LHX2: variants seen among roughly 807,000 people sequenced by gnomAD.
LHX2 encodes LIM/homeobox protein Lhx2.
Under a neutral mutation model 33.0 loss-of-function variants are expected in LHX2, and 6 were observed. The observed-to-expected ratio is 0.18, with a 90% CI of 0.10 to 0.36. The LOEUF (loss-of-function observed/expected upper bound fraction) is 0.36. LHX2 is among the 10% of genes least tolerant of loss of function. The pLI is 1.00. For missense variants in LHX2, 442 were observed against 586.2 expected (o/e 0.75, Z 2.54); for synonymous variants, 292 against 253.1 (o/e 1.15, Z -1.46).
In LHX2 at chr9:124,012,636, G is replaced by A. The variant is rs1290804211; in HGVS notation, c.120+168G>A. On this transcript the variant is annotated intron_variant, in intron 1 of 4. Coordinates refer to ENST00000373615, the MANE Select transcript of LHX2 (RefSeq NM_004789.4). This position sits in a 1 kb window ranked among gnomAD's most constrained non-coding sequence, Gnocchi z 4.3. ...GTGGCTCCCGGTTCGGGGGAAACCC[G>A]GCTGCTGGGACGCAGAAGGGAAACA... is the stretch of plus-strand genomic sequence containing the variant. Among the ~76,000 whole-genome samples the A allele has an allele frequency of 5.3e-5, 8 of 152,256 alleles. No individual in the cohort carries two copies. Among genetic ancestry groups the A allele is most frequent in the Admixed American group, 4.6e-4 (7 of 15,292 alleles).
In LHX2 at chr9:124,021,118, C is replaced by A. The variant is rs1456308379; in HGVS notation, c.747C>A (p.Asn249Lys). 1.2e-6 allele frequency: 2 copies of A among 1,614,054 alleles called. No homozygotes were observed. Among genetic ancestry groups the A allele is most frequent in the South Asian group, 2.2e-5 (2 of 91,084 alleles). The change falls in exon 4 of 5, where the codon AAC (asparagine) becomes AAA (lysine). Residue 249 changes from asparagine (N) to lysine (K), a missense_variant. This residue lies in a region of LHX2 where 132 missense variants were observed against 139.1 expected (regional missense o/e 0.95). Coordinates refer to ENST00000373615, the MANE Select transcript of LHX2 (RefSeq NM_004789.4). ...AYNAALSCNE[N>K]DAEHLDRDQP... is the part of the protein sequence containing the mutation. ...CCCTAGCGCTAAGCTGCAACGAAAA[C>A]GACGCAGAGCACCTGGACCGTGACC...
chr9:124,014,213 GCA>G lies in LHX2; in HGVS notation c.323+53_323+54del, dbSNP rs767129288. On this transcript the variant is annotated intron_variant, in intron 2 of 4. Coordinates refer to ENST00000373615, the MANE Select transcript of LHX2 (RefSeq NM_004789.4). This position sits in a 1 kb window ranked among gnomAD's most constrained non-coding sequence, Gnocchi z 4.8. Reference sequence around the variant, plus strand: ...TCAGGACCCCTCCCCCCAATCTCAGGCACAGTCTTACAGTTTGGCCCTCTCCT... The same window carrying G: ...TCAGGACCCCTCCCCCCAATCTCAGGCAGTCTTACAGTTTGGCCCTCTCCT... 1.5e-6 allele frequency: 2 copies of G among 1,335,524 alleles called. No homozygotes were observed. The highest frequency in any genetic ancestry group is 2.4e-5 in the South Asian group (2 of 83,674). 82.7% of individuals were successfully genotyped at this position (1,335,524 alleles called of 1,614,324 possible).
chr9:124,032,797 C>A lies in LHX2; in HGVS notation c.*90C>A. 2.2e-6 allele frequency: 3 copies of A among 1,368,972 alleles called. No individual in the cohort carries two copies. Among genetic ancestry groups the A allele is most frequent in the Non-Finnish European group, 3.0e-6 (3 of 1,009,276 alleles). 84.8% of individuals were successfully genotyped at this position (1,368,972 alleles called of 1,614,324 possible). A position where few individuals can be genotyped will look rare whatever the true frequency, so the allele number is the denominator to read the frequency against. ...TGTATTTTAAAATAGAGGCTTTGAG[C>A]AACTAACTAACCACATTTTAGGATC... On this transcript the variant is annotated 3_prime_UTR_variant, in exon 5 of 5. Coordinates refer to ENST00000373615, the MANE Select transcript of LHX2 (RefSeq NM_004789.4). This position sits in a 1 kb window ranked among gnomAD's most constrained non-coding sequence, Gnocchi z 4.1.
intron 4 of LHX2, among the ~76,000 whole-genome samples, chr9:124,029,455 C>G (rs1438011496): frequency 6.6e-6 from 1 of 152,176 alleles, no homozygotes; most frequent in East Asian, 1.9e-4. Flanking sequence ...ACAAACCCCA[C>G]ACAACCCCAG....
In LHX2 at chr9:124,032,597, A is replaced by G. The variant is rs551135959; in HGVS notation, c.1111A>G (p.Thr371Ala). Residue 371 changes from threonine (T) to alanine (A), a missense_variant, in exon 5 of 5, where the codon ACT becomes GCT. Transcript: ENST00000373615. The surrounding 1 kb of genome is among the most constrained non-coding windows in gnomAD (Gnocchi z 4.1). ...SSTPTTLTDL[T>A]SPTLPTVTSV... ...CACGCCCACCACCCTGACAGACTTGACTAGCCCCACCCTGCCAACTGTGAC... is the reference window on the plus strand; with the variant it reads ...CACGCCCACCACCCTGACAGACTTGGCTAGCCCCACCCTGCCAACTGTGAC... 3 of 1,614,122 alleles carry G rather than the reference A, an allele frequency of 1.9e-6. No individual in the cohort carries two copies. Among genetic ancestry groups the G allele is most frequent in the African/African-American group, 2.7e-5 (2 of 75,020 alleles).
chr9:124,012,541 A>G lies in LHX2; in HGVS notation c.120+73A>G. Reference sequence around the variant, plus strand: ...GGCCAGTCAGCGCCTCTGCTCCCCGAAGTTTGGGGAGCGTCCTTCGTGCCG... The same window carrying G: ...GGCCAGTCAGCGCCTCTGCTCCCCGGAGTTTGGGGAGCGTCCTTCGTGCCG... On this transcript the variant is annotated intron_variant, in intron 1 of 4. Transcript: ENST00000373615. The surrounding 1 kb of genome is among the most constrained non-coding windows in gnomAD (Gnocchi z 4.3). The G allele has an allele frequency of 7.2e-7, 1 of 1,391,086 alleles. No homozygotes were observed. Among genetic ancestry groups the G allele is most frequent in the Non-Finnish European group, 9.4e-7 (1 of 1,069,018 alleles). The allele number at this position is 1,391,086 out of a possible 1,614,324, so 86.2% of individuals were successfully genotyped here.
chr9:124,030,925 G>T (rs1028943289), intron 4 of LHX2, among the ~76,000 whole-genome samples: 25 of 152,084 alleles, frequency 1.6e-4, no homozygotes, highest in Admixed American at 6.5e-5. Flanking sequence ...GAGCCACTGT[G>T]CCCGTCCTTA....
At chr9:124,018,427 C>A (rs1246713298) in intron 3 of LHX2, among the ~76,000 whole-genome samples, 2 of 152,060 alleles carry the variant, frequency 1.3e-5, no homozygotes, top group Non-Finnish European at 2.9e-5. Flanking sequence ...CTGGGCCCCA[C>A]GGCTGCCTCC....
At position 124,033,171 on chromosome 9, in the gene LHX2, G is replaced by GA. The variant is rs565220739; in HGVS notation, c.*476dup. ...TTGAATAGTCCTAAAAAGAAAAAAA[G>GA]AAAAAAAAAAAAGGAAAAATCAAAC... is the stretch of plus-strand genomic sequence containing the variant. On this transcript the variant is annotated 3_prime_UTR_variant, in exon 5 of 5. Coordinates refer to ENST00000373615, the MANE Select transcript of LHX2 (RefSeq NM_004789.4). 648 of 133,578 alleles carry GA rather than the reference G, an allele frequency of 4.9e-3. 4 individuals carry two copies. Among genetic ancestry groups the GA allele is most frequent in the South Asian group, 7.9e-3 (33 of 4,176 alleles). The allele number at this position is 133,578 out of a possible 1,614,324, so 8.3% of individuals were successfully genotyped here.
intron 4 of LHX2, among the ~76,000 whole-genome samples, chr9:124,030,623 T>TTTTC (rs1419972050): frequency 4.9e-5 from 5 of 102,580 alleles, no homozygotes; most frequent in African/African-American, 6.9e-5. Flanking sequence ...TTCATTTTTC[T>TTTTC]TTTCTTTTTT....
rs1185161191 is a variant in LHX2, at chr9:124,016,521, T to C, written c.727+996T>C. On this transcript the variant is annotated intron_variant, in intron 3 of 4. Transcript: ENST00000373615. The surrounding 1 kb of genome is among the most constrained non-coding windows in gnomAD (Gnocchi z 4.4). The stretch of plus-strand genomic sequence containing the variant: ...TTTTGTGTTCTTCTTCCTTTTCCCT[T>C]TAGTCTAATGCACAAGCAGAAAAAA... Among the ~76,000 whole-genome samples, 2 of 152,114 alleles carry C rather than the reference T, an allele frequency of 1.3e-5. No individual in the cohort carries two copies. The highest frequency in any genetic ancestry group is 1.3e-4 in the Admixed American group (2 of 15,268).
intron 4 of LHX2, among the ~76,000 whole-genome samples, chr9:124,028,762 G>C (rs899929552): frequency 6.6e-6 from 1 of 152,176 alleles, no homozygotes; most frequent in Admixed American, 6.5e-5. Context: ...GTTGCCCTCT[G>C]TGTGACCTTT....
rs138829751 is a variant in LHX2, at chr9:124,016,585, C to A, written c.727+1060C>A. Among the ~76,000 whole-genome samples, 88 of 152,226 alleles carry A rather than the reference C, an allele frequency of 5.8e-4. 1 individual carries two copies. Among genetic ancestry groups the A allele is most frequent in the African/African-American group, 2.0e-3 (82 of 41,524 alleles). On this transcript the variant is annotated intron_variant, in intron 3 of 4. Coordinates refer to ENST00000373615, the MANE Select transcript of LHX2 (RefSeq NM_004789.4). This position sits in a 1 kb window ranked among gnomAD's most constrained non-coding sequence, Gnocchi z 4.4. ...CAAACCCAAGACTGTGCAGAGGGTG[C>A]TACGGCGGGAAGAAGTCAGTTATTT...
intron 4 of LHX2, among the ~76,000 whole-genome samples, chr9:124,030,780 C>T (rs543623326): frequency 6.6e-6 from 1 of 151,758 alleles, no homozygotes; most frequent in Non-Finnish European, 1.5e-5. Context: ...TACAGGAGCG[C>T]ACCATCACAC....
intron 3 of LHX2, 76 bp from the exon 4 acceptor site, chr9:124,021,023 T>A: frequency 7.5e-7 from 1 of 1,328,556 alleles, no homozygotes; most frequent in Non-Finnish European, 1.1e-6. Flanking sequence ...TGTTTGGCAG[T>A]GGGTGGGGCG....
Position 124,021,211 on chromosome 9 carries a change from C to T in LHX2, c.840C>T (p.Thr280=). The change falls in exon 4 of 5, where the codon ACC becomes ACT. Residue 280 remains threonine (T), a synonymous_variant. Coordinates refer to ENST00000373615, the MANE Select transcript of LHX2 (RefSeq NM_004789.4). ...RTSFKHHQLR[T]MKSYFAINHN... is the part of the protein sequence containing the mutation. Reference sequence around the variant, plus strand: ...CCTTCAAGCACCACCAGCTTCGGACCATGAAGTCTTACTTTGCCATTAACC... The same window carrying T: ...CCTTCAAGCACCACCAGCTTCGGACTATGAAGTCTTACTTTGCCATTAACC... 1 of 1,614,242 alleles carries T rather than the reference C, an allele frequency of 6.2e-7. No homozygotes were observed. The highest frequency in any genetic ancestry group is 8.5e-7 in the Non-Finnish European group (1 of 1,180,046).
At position 124,014,349 on chromosome 9, in the gene LHX2, G is replaced by A. The variant is rs1439725734; in HGVS notation, c.323+186G>A. ...GATAACCTTTTAAAGCAGCAATTTG[G>A]GGAGCTCTTGGAAAGGTCTACGAAG... On this transcript the variant is annotated intron_variant, in intron 2 of 4. Transcript: ENST00000373615. The surrounding 1 kb of genome is among the most constrained non-coding windows in gnomAD (Gnocchi z 4.8). Among the ~76,000 whole-genome samples, 2 of 151,584 alleles carry A rather than the reference G, an allele frequency of 1.3e-5. No individual in the cohort carries two copies. The highest frequency in any genetic ancestry group is 2.9e-5 in the Non-Finnish European group (2 of 68,012).
rs1205787734 is a variant in LHX2 at position 124,015,618 on chromosome 9, G to T, written c.727+93G>T. 24 of 1,346,090 alleles carry T rather than the reference G, an allele frequency of 1.8e-5. No homozygotes were observed. The highest frequency in any genetic ancestry group is 2.1e-5 in the Non-Finnish European group (21 of 1,014,630). 83.4% of individuals were successfully genotyped at this position (1,346,090 alleles called of 1,614,324 possible). On this transcript the variant is annotated intron_variant, in intron 3 of 4. Coordinates refer to ENST00000373615, the MANE Select transcript of LHX2 (RefSeq NM_004789.4). This position sits in a 1 kb window ranked among gnomAD's most constrained non-coding sequence, Gnocchi z 7.9. ...GCTGGATTGAATCTCTGTGTGCTGG[G>T]CAAATAGCGAGCCTTAAGCACCGGA...
chr9:124,029,744 C>G (rs1564552965), intron 4 of LHX2, among the ~76,000 whole-genome samples: 1 of 152,228 alleles, frequency 6.6e-6, no homozygotes, highest in Non-Finnish European at 1.5e-5. Context: ...CTCTGAGAGT[C>G]AGACGCACAG....
Sources: allele counts gnomAD v4.1 joint callset (sites outside exome capture counted in the v4.1 genomes callset), GRCh38; gene constraint gnomAD v4.1.1; regional missense constraint gnomAD v4.1.1; non-coding constraint Gnocchi (gnomAD v3.1); transcripts MANE v1.5; gene names NCBI Gene and HGNC (gene_info 2026-07-23, HGNC 2026-07-21).